ATP13A4: variants seen among roughly 807,000 people sequenced by gnomAD.
ATP13A4 encodes the protein ATPase 13A4.
A neutral mutation model predicts 142.5 loss-of-function variants in ATP13A4; 114 were observed. The observed-to-expected ratio is 0.80, with a 90% CI of 0.69 to 0.93. The LOEUF is 0.93. Ranked by LOEUF, ATP13A4 falls within the 40% of genes least tolerant of loss-of-function variation. The probability of loss-of-function intolerance (pLI) is 0.00; values close to 1 mark genes in which losing one functional copy is unlikely to be tolerated. For synonymous variants in ATP13A4, 488 were observed against 514.8 expected (o/e 0.95, Z 0.70); for missense variants, 1,392 against 1,454.0 (o/e 0.96, Z 0.69).
chr3:193,496,834 AT>A (rs1181792805), intron 3 of ATP13A4, among the ~76,000 whole-genome samples: 10 of 142,832 alleles, frequency 7.0e-5, no homozygotes, highest in Non-Finnish European at 1.4e-4. Flanking sequence ...AAATAAATAA[AT>A]AAATAAAACT....
chr3:193,420,804 G>C (rs1464900170), intron 25 of ATP13A4, among the ~76,000 whole-genome samples: 1 of 149,104 alleles, frequency 6.7e-6, no homozygotes. Context: ...GCAGACTAGA[G>C]CAAGCAGAAG....
chr3:193,562,449 C>A (rs1027661999), intron 2 of ATP13A4, among the ~76,000 whole-genome samples: 2 of 151,922 alleles, frequency 1.3e-5, no homozygotes, highest in Admixed American at 6.6e-5. Flanking sequence ...TCTGTGTGTG[C>A]GATGTAATAT....
At chr3:193,489,177 A>G (rs760443765) in intron 7 of ATP13A4, among the ~76,000 whole-genome samples, 60 of 152,206 alleles carry the variant, frequency 3.9e-4, no homozygotes, top group Admixed American at 3.0e-3. Flanking sequence ...CACCTTGATT[A>G]GAGATGAACA....
intron 1 of ATP13A4, among the ~76,000 whole-genome samples, chr3:193,587,578 C>T (rs553206921): frequency 6.6e-6 from 1 of 152,286 alleles, no homozygotes; most frequent in African/African-American, 2.4e-5. Context: ...GATATCTGCA[C>T]AGGTGTTTTT....
At chr3:193,539,875 G>A (rs1722790659) in intron 1 of ATP13A4, among the ~76,000 whole-genome samples, 3 of 152,092 alleles carry the variant, frequency 2.0e-5, no homozygotes, top group African/African-American at 7.2e-5. Context: ...TTTTCAGTTG[G>A]CCACTTACTT....
Position 193,399,390 on chromosome 3 carries a change from T to C in ATP13A4, c.*3262A>G, listed in dbSNP as rs1197256479. 6.6e-6 allele frequency among the ~76,000 whole-genome samples: 1 copy of C among 152,190 alleles called. No homozygotes were observed. The highest frequency in any genetic ancestry group is 1.5e-5 in the Non-Finnish European group (1 of 68,030). The stretch of plus-strand genomic sequence containing the variant: ...GCTTCAATCTGACAATCAGGACCCC[T>C]ACTCTGCCCCTCTTTCCTAGGATCT... On this transcript the variant is annotated 3_prime_UTR_variant, in exon 30 of 30. Coordinates refer to ENST00000342695, the MANE Select transcript of ATP13A4 (RefSeq NM_032279.4).
chr3:193,467,541 T>G lies in ATP13A4; in HGVS notation c.944-55A>C, dbSNP rs1718374586. ...GGCAGGATGGCTTCCCTCATTTAAA[T>G]CATGCCTGCACCCACTCATCATACA... On this transcript the variant is annotated intron_variant, in intron 9 of 29. Coordinates refer to ENST00000342695, the MANE Select transcript of ATP13A4 (RefSeq NM_032279.4). 5.8e-6 allele frequency: 9 copies of G among 1,555,636 alleles called. No individual in the cohort carries two copies. In the South Asian group the frequency reaches 1.0e-4, roughly 17 times the overall value.
intron 28 of ATP13A4, among the ~76,000 whole-genome samples, chr3:193,408,168 C>T (rs761911346): frequency 3.3e-5 from 5 of 152,220 alleles, no homozygotes; most frequent in African/African-American, 9.6e-5. Context: ...TTGCCTCATA[C>T]GTTAGTGGGA....
At chr3:193,460,871 A>C (rs1717909137) in intron 13 of ATP13A4, among the ~76,000 whole-genome samples, 1 of 152,162 alleles carries the variant, frequency 6.6e-6, no homozygotes, top group African/African-American at 2.4e-5. Context: ...ATAGTTCTTA[A>C]AGTATCTGAC....
chr3:193,481,745 T>C (rs1424278399), intron 8 of ATP13A4, among the ~76,000 whole-genome samples: 1 of 152,194 alleles, frequency 6.6e-6, no homozygotes, highest in African/African-American at 2.4e-5. Context: ...CCCCAGGTTA[T>C]GGAAAATATC....
intron 3 of ATP13A4, among the ~76,000 whole-genome samples, chr3:193,498,129 G>A (rs147921074): frequency 1.8e-4 from 28 of 151,946 alleles, no homozygotes; most frequent in African/African-American, 6.0e-4. Context: ...GCAAATATAC[G>A]AATTTGATTT....
At chr3:193,514,894 C>T (rs1721327609) in intron 1 of ATP13A4, 23 bp from the exon 2 acceptor site, 2 of 1,610,890 alleles carry the variant, frequency 1.2e-6, no homozygotes, top group Non-Finnish European at 1.7e-6. Flanking sequence ...CAAAATGATA[C>T]CAAATATTGG....
intron 2 of ATP13A4, among the ~76,000 whole-genome samples, chr3:193,570,245 C>A (rs558038680): frequency 6.6e-6 from 1 of 152,124 alleles, no homozygotes; most frequent in African/African-American, 2.4e-5. Context: ...CCCAGGAGGT[C>A]GAGGCTGCAG....
intron 18 of ATP13A4, among the ~76,000 whole-genome samples, chr3:193,445,198 G>A (rs533309800): frequency 1.3e-5 from 2 of 152,282 alleles, no homozygotes; most frequent in African/African-American, 4.8e-5. Flanking sequence ...AGCACTTTGG[G>A]AGGCCGAGGC....
chr3:193,574,379 A>C (rs1480781699), intron 2 of ATP13A4, among the ~76,000 whole-genome samples: 1 of 152,120 alleles, frequency 6.6e-6, no homozygotes, highest in East Asian at 1.9e-4. Flanking sequence ...AAATTTTGGA[A>C]CACCAAGCTG....
chr3:193,448,082 A>G, intron 18 of ATP13A4, 124 bp downstream of exon 18: 1 of 1,349,472 alleles, frequency 7.4e-7, no homozygotes, highest in Non-Finnish European at 1.0e-6. Flanking sequence ...TTTGTTGCCC[A>G]TCTCCAGCAC....
chr3:193,544,598 C>T (rs114464199), intron 1 of ATP13A4, among the ~76,000 whole-genome samples: 3 of 152,148 alleles, frequency 2.0e-5, no homozygotes, highest in South Asian at 2.1e-4. Context: ...GCATAGATGA[C>T]GAAAAAGTGA....
In ATP13A4 at chr3:193,457,468, AT is replaced by A. The variant is rs754987293; in HGVS notation, c.1675-4del. ...TCGTCCCCAGAAAAAGCCATTTCCTATTTCACAAATAGGATATTTCATTGCA... is the reference window on the plus strand; with the variant it reads ...TCGTCCCCAGAAAAAGCCATTTCCTATTCACAAATAGGATATTTCATTGCA... On this transcript the variant is annotated splice_region_variant and splice_polypyrimidine_tract_variant and intron_variant, in intron 14 of 29. Transcript: ENST00000342695. 11 of 1,611,228 alleles carry A rather than the reference AT, an allele frequency of 6.8e-6. No individual in the cohort carries two copies. The highest frequency in any genetic ancestry group is 9.3e-6 in the Non-Finnish European group (11 of 1,177,776).
chr3:193,499,313 C>T (rs549850475), intron 3 of ATP13A4, among the ~76,000 whole-genome samples: 1 of 152,154 alleles, frequency 6.6e-6, no homozygotes, highest in Non-Finnish European at 1.5e-5. Context: ...ATGACAGGCT[C>T]TAGGGTGTGT....
Sources: allele counts gnomAD v4.1 joint callset (sites outside exome capture counted in the v4.1 genomes callset), GRCh38; gene constraint gnomAD v4.1.1; transcripts MANE v1.5; gene names NCBI Gene and HGNC (gene_info 2026-07-23, HGNC 2026-07-21).